EFHD1: variants seen among roughly 807,000 people sequenced by gnomAD.
The protein encoded by EFHD1 is EF-hand domain-containing protein D1.
A neutral mutation model predicts 17.2 loss-of-function variants in EFHD1; 10 were observed. The observed-to-expected ratio is 0.58, with a 90% CI of 0.36 to 0.99. The LOEUF (loss-of-function observed/expected upper bound fraction) is 0.99, where lower values mean the gene tolerates loss of function less well. Ranked by LOEUF, EFHD1 falls within the 50% of genes least tolerant of loss-of-function variation. EFHD1 has a pLI of 0.01. For missense variants in EFHD1, 310 were observed against 327.5 expected, an observed-to-expected ratio of 0.95 and a Z score of 0.41; for synonymous variants, 153 against 142.0, an observed-to-expected ratio of 1.08 and a Z score of -0.55.
intron 2 of EFHD1, among the ~76,000 whole-genome samples, chr2:232,663,733 C>T (rs1484213444): frequency 2.0e-5 from 3 of 152,084 alleles, no homozygotes; most frequent in South Asian, 2.1e-4. Context: ...GGGTACCCAT[C>T]ACCTCCAGCA....
Position 232,617,843 on chromosome 2 carries a change from G to A in EFHD1, c.14+11670G>A, listed in dbSNP as rs183444312. Among the ~76,000 whole-genome samples the A allele has an allele frequency of 7.0e-3, 1,056 of 151,078 alleles. 34 individuals are homozygous for A. Among genetic ancestry groups the A allele is most frequent in the Admixed American group, 0.059 (890 of 15,140 alleles). On this transcript the variant is annotated intron_variant, in intron 1 of 3. Coordinates refer to the EFHD1 transcript ENST00000409613. Reference sequence around the variant, plus strand: ...GGGTGCCTGTAATCCCAGCTACTCCGGAGGCTGAGGCAGGAGAATCGCTTG... The same window carrying A: ...GGGTGCCTGTAATCCCAGCTACTCCAGAGGCTGAGGCAGGAGAATCGCTTG...
chr2:232,656,799 TTTTG>T (rs1470257260), intron 1 of EFHD1, among the ~76,000 whole-genome samples: 1 of 152,042 alleles, frequency 6.6e-6, no homozygotes, highest in African/African-American at 2.4e-5. Context: ...AGCAGTTTTG[TTTTG>T]TTTGAGACAG....
rs185037983 is a variant in EFHD1, at chr2:232,658,317, A to G, written c.303-4485A>G. 1.1e-3 allele frequency among the ~76,000 whole-genome samples: 172 copies of G among 152,294 alleles called. 1 individual carries two copies. Among genetic ancestry groups the G allele is most frequent in the African/African-American group, 3.9e-3 (164 of 41,554 alleles). On this transcript the variant is annotated intron_variant, in intron 1 of 3. Transcript: ENST00000264059. ...TGTGTCACCAGCGAATCTGAGAGTC[A>G]GCACCCTTTCCAGGTGGCTTTAACT...
upstream of EFHD1, among the ~76,000 whole-genome samples, chr2:232,631,701 A>AAAC (rs1553597008): frequency 4.3e-5 from 6 of 140,506 alleles, no homozygotes; most frequent in African/African-American, 6.1e-5. Context: ...TAAAAAAAAA[A>AAAC]AAAAACAAAA....
At chr2:232,664,425 T>G (rs1312322206) in intron 2 of EFHD1, among the ~76,000 whole-genome samples, 1 of 151,676 alleles carries the variant, frequency 6.6e-6, no homozygotes, top group East Asian at 1.9e-4. Flanking sequence ...ACTTTTTATT[T>G]TTATAGCATG....
intron 1 of EFHD1, among the ~76,000 whole-genome samples, chr2:232,641,789 CT>C (rs1694437003): frequency 6.6e-6 from 1 of 152,234 alleles, no homozygotes; most frequent in Non-Finnish European, 1.5e-5. Flanking sequence ...ACTTCTCGGC[CT>C]TTCCTCCCAT....
intron 1 of EFHD1, among the ~76,000 whole-genome samples, chr2:232,618,915 G>T (rs972912242): frequency 4.0e-5 from 6 of 151,864 alleles, no homozygotes; most frequent in Non-Finnish European, 5.9e-5. Flanking sequence ...AGGCCAAGGT[G>T]GGTGGATCAC....
At chr2:232,661,918 A>C (rs1694875969) in intron 1 of EFHD1, 1 of 151,528 alleles carries the variant, frequency 6.6e-6, no homozygotes, top group Non-Finnish European at 1.5e-5. Flanking sequence ...CGTTGTTTCC[A>C]CCTTTTGGCT....
chr2:232,658,528 A>G lies in EFHD1; in HGVS notation c.303-4274A>G, dbSNP rs530036745. 7.9e-5 allele frequency among the ~76,000 whole-genome samples: 12 copies of G among 152,340 alleles called. No homozygotes were observed. In the East Asian group the frequency reaches 2.1e-3, roughly 27 times the overall value. On this transcript the variant is annotated intron_variant, in intron 1 of 3. Transcript: ENST00000264059. ...GCATCCAATCTTGGGTATATACACGAAAAAATGGAAATATATGTCCAAACA... is the reference window on the plus strand; with the variant it reads ...GCATCCAATCTTGGGTATATACACGGAAAAATGGAAATATATGTCCAAACA...
At chr2:232,634,484 C>A (rs887434923) in intron 1 of EFHD1, among the ~76,000 whole-genome samples, 15 of 152,194 alleles carry the variant, frequency 9.9e-5, no homozygotes, top group African/African-American at 2.4e-4. Flanking sequence ...GATGAATGAG[C>A]GGAGGCCGAG....
chr2:232,623,334 C>T (rs942963970), intron 1 of EFHD1, among the ~76,000 whole-genome samples: 16 of 152,142 alleles, frequency 1.1e-4, no homozygotes, highest in African/African-American at 3.6e-4. Context: ...GTGTGAGTCA[C>T]GGCACCCGGC....
In EFHD1 at chr2:232,676,357, G is replaced by A. The variant is rs181588451; in HGVS notation, c.585+3914G>A. On this transcript the variant is annotated intron_variant, in intron 3 of 3. Transcript: ENST00000264059. ...GTTTCTGATCACATCCTGTTTGACC[G>A]AACCTGGTGACTCCTGGCTGCATGG... Among the ~76,000 whole-genome samples, 12 of 152,278 alleles carry A rather than the reference G, an allele frequency of 7.9e-5. No individual in the cohort carries two copies. In the East Asian group the frequency reaches 2.1e-3, roughly 27 times the overall value.
intron 3 of EFHD1, among the ~76,000 whole-genome samples, chr2:232,679,787 G>T (rs1695243589): frequency 6.6e-6 from 1 of 150,574 alleles, no homozygotes; most frequent in African/African-American, 2.4e-5. Context: ...GTGGGCAAAG[G>T]ATATAAATGG....
upstream of EFHD1, among the ~76,000 whole-genome samples, chr2:232,631,714 A>G (rs1250875087): frequency 1.4e-5 from 2 of 147,656 alleles, no homozygotes; most frequent in African/African-American, 5.0e-5. Flanking sequence ...AAACAAAAAC[A>G]AAACCAGCTG....
intron 1 of EFHD1, among the ~76,000 whole-genome samples, chr2:232,621,372 A>C (rs1694014412): frequency 6.6e-6 from 1 of 152,168 alleles, no homozygotes; most frequent in South Asian, 2.1e-4. Flanking sequence ...AGTGACATTT[A>C]CTGAACAGCT....
chr2:232,678,631 A>G (rs1695220994), intron 3 of EFHD1, among the ~76,000 whole-genome samples: 1 of 152,090 alleles, frequency 6.6e-6, no homozygotes, highest in Non-Finnish European at 1.5e-5. Context: ...CTAAAAAACA[A>G]AATTAGCTGG....
intron 1 of EFHD1, among the ~76,000 whole-genome samples, chr2:232,609,100 C>A (rs1254238745): frequency 1.5e-5 from 2 of 135,862 alleles, no homozygotes; most frequent in African/African-American, 5.4e-5. Context: ...TGCTCTGTCA[C>A]CCAGGCTGGA....
intron 1 of EFHD1, among the ~76,000 whole-genome samples, chr2:232,652,763 T>C (rs1694683296): frequency 3.3e-5 from 5 of 152,110 alleles, no homozygotes; most frequent in Admixed American, 3.3e-4. Context: ...TCAGGCATTT[T>C]GAGAGAAGCA....
upstream of EFHD1, among the ~76,000 whole-genome samples, chr2:232,630,467 T>A (rs1364937653): frequency 6.6e-6 from 1 of 152,160 alleles, no homozygotes; most frequent in Non-Finnish European, 1.5e-5. Flanking sequence ...CAGAGGGCGT[T>A]CTGTCTAGGC....
Sources: gnomAD v4.1 joint callset for allele counts (sites outside exome capture counted in the v4.1 genomes callset) on GRCh38, gnomAD v4.1.1 for gene constraint, MANE v1.5 for transcripts, NCBI Gene and HGNC (gene_info 2026-07-23, HGNC 2026-07-21) for gene names.